SMARCA2: variants seen among roughly 807,000 people sequenced by gnomAD.
SMARCA2 encodes SWI/SNF related BAF chromatin remodeling complex subunit ATPase 2.
In SMARCA2, 61 loss-of-function variants were observed where a neutral mutation model predicts 199.8. The observed-to-expected ratio is 0.31, with a 90% confidence interval of 0.25 to 0.38. SMARCA2 has a LOEUF of 0.38. Ranked by LOEUF, SMARCA2 falls within the 10% of genes least tolerant of loss-of-function variation. The pLI is 1.00. For synonymous variants in SMARCA2, 935 were observed against 732.0 expected, an observed-to-expected ratio of 1.28 and a Z score of -4.48; for missense variants, 1,344 against 2,012.2, an observed-to-expected ratio of 0.67 and a Z score of 6.35.
chr9:2,039,439 G>T lies in SMARCA2; in HGVS notation c.356-27G>T. The T allele has an allele frequency of 6.3e-7, 1 of 1,598,818 alleles. No homozygotes were observed. Among genetic ancestry groups the T allele is most frequent in the Non-Finnish European group, 8.5e-7 (1 of 1,170,514 alleles). ...CTTTCAGGGTTGTCAGGGGCAGCCT[G>T]TGATTTCCTTTTGTGTTTTATTTTA... On this transcript the variant is annotated intron_variant, in intron 3 of 33. Transcript: ENST00000349721. The surrounding 1 kb of genome is among the most constrained non-coding windows in gnomAD (Gnocchi z 4.8).
chr9:2,156,026 A>C (rs1825342815), intron 27 of SMARCA2, among the ~76,000 whole-genome samples: 1 of 152,068 alleles, frequency 6.6e-6, no homozygotes, highest in African/African-American at 2.4e-5. Flanking sequence ...CTTCAGACCA[A>C]CTCATCTCTT....
chr9:2,054,757 G>A (rs762960647), intron 6 of SMARCA2, 34 bp downstream of exon 6: 3 of 1,609,360 alleles, frequency 1.9e-6, no homozygotes, highest in African/African-American at 2.7e-5. Context: ...CTGAGATGTA[G>A]GAAATAAATG....
Position 2,184,722 on chromosome 9 carries a change from C to T in SMARCA2, c.4462-1374C>T, listed in dbSNP as rs574969465. Among the ~76,000 whole-genome samples, 7 of 152,198 alleles carry T rather than the reference C, an allele frequency of 4.6e-5. 1 individual carries two copies. The highest frequency in any genetic ancestry group is 1.7e-4 in the African/African-American group (7 of 41,514). ...GATGCATCTCTTTTATTCTTGCCTC[C>T]TCATCTTTCTCATTTGTTTTCCTTT... is the stretch of plus-strand genomic sequence containing the variant. On this transcript the variant is annotated intron_variant, in intron 31 of 33. Transcript: ENST00000349721.
At chr9:2,082,671 T>C (rs10081778) in intron 15 of SMARCA2, among the ~76,000 whole-genome samples, 56,692 of 152,118 alleles carry the variant, frequency 0.37, 14,600 homozygotes, top group African/African-American at 0.74. Context: ...TAGGTTGCAG[T>C]TTTGTTCACC....
rs547998868 is a variant in SMARCA2, at chr9:2,181,574, A to C, written c.4257A>C (p.Ser1419=). ...GTTTGTTTCACCCATCCTACAGTTC[A>C]GGGCGACAGCTCAGTGAAGTCTTCA... The part of the protein sequence containing the change: ...NSQLEIEGNS[S]GRQLSEVFIQ... Residue 1419 remains serine (S), a synonymous_variant, in exon 30 of 34, where the codon TCA becomes TCC. Transcript: ENST00000349721. 4.1e-4 allele frequency: 643 copies of C among 1,555,428 alleles called. 11 individuals carry two copies. In the South Asian group the frequency reaches 6.9e-3, roughly 17 times the overall value.
intron 20 of SMARCA2, 54 bp from the exon 21 acceptor site, chr9:2,097,331 A>C: frequency 8.6e-7 from 1 of 1,165,882 alleles, no homozygotes; most frequent in Non-Finnish European, 1.3e-6. Flanking sequence ...AAGGATCTGA[A>C]ATGTCTGACC....
At chr9:2,064,432 C>T (rs1233978857) in intron 9 of SMARCA2, among the ~76,000 whole-genome samples, 1 of 152,188 alleles carries the variant, frequency 6.6e-6, no homozygotes, top group Non-Finnish European at 1.5e-5. Context: ...TACACCCTAA[C>T]ATATAGTAAG....
intron 9 of SMARCA2, among the ~76,000 whole-genome samples, chr9:2,063,874 A>G (rs1418874770): frequency 1.3e-5 from 2 of 152,040 alleles, no homozygotes; most frequent in African/African-American, 4.8e-5. Context: ...TTTTCTCATC[A>G]TTACAGACAT....
At chr9:2,040,178 CAAGGTTTCTTGGAA>C (rs1231314787) in intron 4 of SMARCA2, 2 of 642,512 alleles carry the variant, frequency 3.1e-6, no homozygotes, top group Non-Finnish European at 5.2e-6. Context: ...TGAAGCGGTT[CAAGGTTTCTTGGAA>C]GCCCATCCAC....
In SMARCA2 at chr9:2,110,883, G is replaced by A. The variant is rs73638383; in HGVS notation, c.3456+466G>A. On this transcript the variant is annotated intron_variant, in intron 24 of 33. Coordinates refer to ENST00000349721, the MANE Select transcript of SMARCA2 (RefSeq NM_003070.5). This position sits in a 1 kb window ranked among gnomAD's most constrained non-coding sequence, Gnocchi z 4.8. ...GGAAACTGAATCCTAGGCAGGGTAA[G>A]TAACTTCCCCAAGGCCAAATAGTAT... 0.046 allele frequency among the ~76,000 whole-genome samples: 7,072 copies of A among 152,232 alleles called. 540 individuals are homozygous for A. Among genetic ancestry groups the A allele is most frequent in the African/African-American group, 0.16 (6,609 of 41,512 alleles).
chr9:2,185,070 T>C (rs970001121), intron 31 of SMARCA2, among the ~76,000 whole-genome samples: 1 of 152,214 alleles, frequency 6.6e-6, no homozygotes, highest in Admixed American at 6.5e-5. Flanking sequence ...ATCATAATTT[T>C]TCAGTATACA....
In SMARCA2 at chr9:2,073,298, A is replaced by G. The variant is rs1455851901; in HGVS notation, c.1833A>G (p.Ala611=). ...GCAAGGTTCTGTTCGGACCAGAAGC[A>G]CCCAAAGCAAGTCAGCTGGACGCCT... ...ETGKVLFGPE[A]PKASQLDAWL... The change falls in exon 11 of 34, where the codon GCA becomes GCG. Residue 611 remains alanine (A), a synonymous_variant. Transcript: ENST00000349721. The G allele has an allele frequency of 1.9e-6, 3 of 1,614,068 alleles. No individual in the cohort carries two copies. Among genetic ancestry groups the G allele is most frequent in the Non-Finnish European group, 2.5e-6 (3 of 1,180,038 alleles).
At chr9:2,022,241 G>T (rs1051689638) in intron 1 of SMARCA2, 1 of 152,216 alleles carries the variant, frequency 6.6e-6, no homozygotes, top group African/African-American at 2.4e-5. Context: ...CAAGTCCAGA[G>T]TGGGAATTGA....
chr9:2,173,420 C>G (rs1454524584), intron 29 of SMARCA2, among the ~76,000 whole-genome samples: 3 of 152,196 alleles, frequency 2.0e-5, no homozygotes, highest in Admixed American at 6.5e-5. Context: ...TGATAGCTCT[C>G]AAGCCCAAGC....
At chr9:2,058,864 G>C (rs1820467095) in intron 8 of SMARCA2, among the ~76,000 whole-genome samples, 1 of 152,156 alleles carries the variant, frequency 6.6e-6, no homozygotes, top group Non-Finnish European at 1.5e-5. Context: ...ATTAAGTCGT[G>C]TCTTCAAATC....
chr9:2,177,708 A>G lies in SMARCA2; in HGVS notation c.4254-3863A>G, dbSNP rs143562390. Among the ~76,000 whole-genome samples the G allele has an allele frequency of 3.5e-3, 538 of 151,886 alleles. 3 individuals carry two copies. Among genetic ancestry groups the G allele is most frequent in the Middle Eastern group, 6.8e-3 (2 of 292 alleles). On this transcript the variant is annotated intron_variant, in intron 29 of 33. Transcript: ENST00000349721. ...GCCGGGATTACAGGCATGCGCCACC[A>G]CACCCAGCTAATTTTGTATTTTTAG...
chr9:2,110,447 C>T lies in SMARCA2; in HGVS notation c.3456+30C>T, dbSNP rs1430676207. ...GCATGTCCCACTCAGGTGCCCAGGC[C>T]TCCCTCTGGAGAGCAACTAAAAGAT... On this transcript the variant is annotated intron_variant, in intron 24 of 33. Transcript: ENST00000349721. This position sits in a 1 kb window ranked among gnomAD's most constrained non-coding sequence, Gnocchi z 4.8. The T allele has an allele frequency of 3.2e-6, 5 of 1,543,784 alleles. No individual in the cohort carries two copies. The highest frequency in any genetic ancestry group is 4.2e-5 in the Admixed American group (2 of 47,930).
intron 29 of SMARCA2, among the ~76,000 whole-genome samples, chr9:2,179,782 A>C (rs915278633): frequency 6.6e-6 from 1 of 152,232 alleles, no homozygotes; most frequent in Non-Finnish European, 1.5e-5. Flanking sequence ...TGACACCATG[A>C]AGATGTGTCA....
chr9:2,157,509 C>T (rs146992419), intron 27 of SMARCA2, among the ~76,000 whole-genome samples: 58 of 152,308 alleles, frequency 3.8e-4, no homozygotes, highest in African/African-American at 1.4e-3. Flanking sequence ...GAGAAAGTGT[C>T]AGTGGACAGA....
Sources: allele counts gnomAD v4.1 joint callset (sites outside exome capture counted in the v4.1 genomes callset), GRCh38; gene constraint gnomAD v4.1.1; non-coding constraint Gnocchi (gnomAD v3.1); transcripts MANE v1.5; gene names NCBI Gene and HGNC (gene_info 2026-07-23, HGNC 2026-07-21).